Variants in DGKD observed in about 807,000 individuals in gnomAD.
The protein encoded by DGKD is DAG kinase delta.
Under a neutral mutation model 154.4 loss-of-function variants are expected in DGKD, and 68 were observed. That is an observed-to-expected ratio of 0.44 (90% CI 0.36 to 0.54). The LOEUF (loss-of-function observed/expected upper bound fraction) is 0.54, where lower values mean the gene tolerates loss of function less well. DGKD is among the 20% of genes least tolerant of loss of function. The probability of loss-of-function intolerance (pLI) is 0.00; values close to 1 mark genes in which losing one functional copy is unlikely to be tolerated. For missense variants in DGKD, 1,343 were observed against 1,593.6 expected, an observed-to-expected ratio of 0.84 and a Z score of 2.68; for synonymous variants, 693 against 638.0, an observed-to-expected ratio of 1.09 and a Z score of -1.30.
At position 233,406,463 on chromosome 2, in the gene DGKD, C is replaced by T. The variant is rs1040645466; in HGVS notation, c.348+15980C>T. ...TGGTCATTCTGCAAGGTCGACCGAG[C>T]CCTTCCAGAATGTGAGTCTTCTAGT... On this transcript the variant is annotated intron_variant, in intron 3 of 29. Transcript: ENST00000264057. Among the ~76,000 whole-genome samples the T allele has an allele frequency of 4.6e-5, 7 of 152,286 alleles. No homozygotes were observed. The East Asian group carries it at 1.2e-3, about 25-fold the overall frequency.
chr2:233,355,696 G>T (rs1019657032), intron 1 of DGKD, among the ~76,000 whole-genome samples: 2 of 152,220 alleles, frequency 1.3e-5, no homozygotes, highest in Non-Finnish European at 2.9e-5. Flanking sequence ...CAGCAAATAG[G>T]TACCGAACAC....
chr2:233,434,528 C>G, intron 4 of DGKD, 44 bp downstream of exon 4: 1 of 1,569,630 alleles, frequency 6.4e-7, no homozygotes. Flanking sequence ...CCTGTTGCCT[C>G]CCTCACCCCA....
chr2:233,447,542 G>C (rs984033437), intron 12 of DGKD: 10 of 985,192 alleles, frequency 1.0e-5, no homozygotes, highest in Admixed American at 6.1e-5. Flanking sequence ...TTTTTGAGAG[G>C]AAGAGTGTGT....
At chr2:233,390,993 A>C (rs958319057) in intron 3 of DGKD, among the ~76,000 whole-genome samples, 1 of 152,180 alleles carries the variant, frequency 6.6e-6, no homozygotes, top group Non-Finnish European at 1.5e-5. Context: ...TTGGCCTCCC[A>C]AAATCCTGGG....
intron 18 of DGKD, chr2:233,454,521 A>T (rs2063393328): frequency 2.0e-6 from 1 of 505,760 alleles, no homozygotes; most frequent in East Asian, 4.8e-5. Flanking sequence ...CTTTAGGGGG[A>T]TGAAATGCTC....
intron 1 of DGKD, among the ~76,000 whole-genome samples, chr2:233,356,757 T>C (rs55693723): frequency 0.11 from 16,689 of 152,172 alleles, 1,034 homozygotes; most frequent in South Asian, 0.15. Flanking sequence ...CTGATTTTTC[T>C]TCTGAGTTGT....
chr2:233,421,001 A>G (rs2062095262), intron 3 of DGKD, among the ~76,000 whole-genome samples: 1 of 152,148 alleles, frequency 6.6e-6, no homozygotes, highest in Non-Finnish European at 1.5e-5. Flanking sequence ...GTGATCGTCA[A>G]ATTACCTCCA....
At chr2:233,461,621 G>A (rs949241736) in intron 24 of DGKD, among the ~76,000 whole-genome samples, 1 of 152,230 alleles carries the variant, frequency 6.6e-6, no homozygotes, top group African/African-American at 2.4e-5. Flanking sequence ...TGGGCTTCTG[G>A]TGGCCTCCCC....
At chr2:233,413,222 A>T (rs1447347009) in intron 3 of DGKD, among the ~76,000 whole-genome samples, 1 of 152,006 alleles carries the variant, frequency 6.6e-6, no homozygotes, top group Non-Finnish European at 1.5e-5. Context: ...ACATGGTGAA[A>T]CCTCATCCCT....
intron 26 of DGKD, 112 bp from the exon 27 acceptor site, chr2:233,464,052 C>T (rs2063750761): frequency 1.4e-6 from 2 of 1,427,714 alleles, no homozygotes; most frequent in African/African-American, 2.9e-5. Flanking sequence ...GGAAAGTGAG[C>T]TCCCTGATCA....
chr2:233,445,671 G>C lies in DGKD; in HGVS notation c.1243G>C (p.Val415Leu). The change falls in exon 11 of 30, where the codon GTA (valine) becomes CTA (leucine). Residue 415 changes from valine to leucine, a missense_variant. Coordinates refer to ENST00000264057, the MANE Select transcript of DGKD (RefSeq NM_152879.3). The surrounding 1 kb of genome is among the most constrained non-coding windows in gnomAD (Gnocchi z 5.5). The part of the protein sequence containing the change: ...PLGTGNDLAR[V>L]LGWGSACDDD... ...CGGCACAGGGAACGACTTGGCCCGA[G>C]TACTGGGCTGGGGCTCAGCCTGCGA... 6.2e-7 allele frequency: 1 copy of C among 1,613,542 alleles called. No individual in the cohort carries two copies.
intron 1 of DGKD, among the ~76,000 whole-genome samples, chr2:233,382,292 TC>T (rs1702945075): frequency 6.6e-6 from 1 of 152,198 alleles, no homozygotes; most frequent in African/African-American, 2.4e-5. Flanking sequence ...CCAGCTTCTT[TC>T]CACTGAAACA....
chr2:233,388,236 AAT>A lies in DGKD; in HGVS notation c.157-18_157-17del. On this transcript the variant is annotated intron_variant, in intron 1 of 29. Transcript: ENST00000264057. ...GGCACCTTGAAAACGCAAGTTTATG[AAT>A]ATGTTTCTGTACTTTCAGACCATCA... 6.2e-7 allele frequency: 1 copy of A among 1,601,960 alleles called. No homozygotes were observed. The highest frequency in any genetic ancestry group is 8.5e-7 in the Non-Finnish European group (1 of 1,176,648).
chr2:233,434,568 C>A, intron 4 of DGKD, 84 bp downstream of exon 4: 2 of 1,442,702 alleles, frequency 1.4e-6, no homozygotes, highest in Non-Finnish European at 1.9e-6. Flanking sequence ...CTCCCACGTG[C>A]GGACCCACAG....
chr2:233,394,836 T>C (rs529418718), intron 3 of DGKD, among the ~76,000 whole-genome samples: 1 of 151,330 alleles, frequency 6.6e-6, no homozygotes, highest in East Asian at 2.0e-4. Flanking sequence ...CCCTCCCCAG[T>C]AGCTGGAACC....
chr2:233,385,781 T>TA (rs1703138734), intron 1 of DGKD, among the ~76,000 whole-genome samples: 1 of 152,274 alleles, frequency 6.6e-6, no homozygotes, highest in Non-Finnish European at 1.5e-5. Context: ...TTCTGCAGCA[T>TA]ATCTATAGTA....
At chr2:233,434,171 AC>A (rs2062617010) in intron 3 of DGKD, among the ~76,000 whole-genome samples, 3 of 152,362 alleles carry the variant, frequency 2.0e-5, no homozygotes, top group Admixed American at 1.3e-4. Context: ...ATATATAAAA[AC>A]TAAATTTCAC....
chr2:233,375,895 T>C (rs1268155168), intron 1 of DGKD, among the ~76,000 whole-genome samples: 1 of 152,214 alleles, frequency 6.6e-6, no homozygotes, highest in Non-Finnish European at 1.5e-5. Flanking sequence ...TACTGTCAAG[T>C]ATCCCTCTGA....
chr2:233,412,489 CATT>C (rs937778577), intron 3 of DGKD, among the ~76,000 whole-genome samples: 3 of 152,150 alleles, frequency 2.0e-5, no homozygotes, highest in African/African-American at 7.2e-5. Context: ...TTCTAGTAGT[CATT>C]GTGTAGATTC....
Sources: gnomAD v4.1 joint callset for allele counts (sites outside exome capture counted in the v4.1 genomes callset) on GRCh38, gnomAD v4.1.1 for gene constraint, Gnocchi (gnomAD v3.1) non-coding constraint, MANE v1.5 for transcripts, NCBI Gene and HGNC (gene_info 2026-07-23, HGNC 2026-07-21) for gene names.